The following RAD51B variants were observed in gnomAD, a reference collection of about 807,000 sequenced individuals.
The protein encoded by RAD51B is RAD51 paralog B, also known as DNA repair protein RAD51 homolog 2.
RAD51B carries 38 observed loss-of-function variants against 42.2 expected under a neutral mutation model. The observed-to-expected ratio is 0.90, with a 90% confidence interval of 0.70 to 1.18. RAD51B has a LOEUF of 1.18. Among genes scored for constraint, RAD51B ranks in the 50% most tolerant of loss-of-function variants. The probability of loss-of-function intolerance (pLI) is 0.00; values close to 1 mark genes in which losing one functional copy is unlikely to be tolerated. For synonymous variants in RAD51B, 154 were observed against 145.2 expected (o/e 1.06, Z -0.43); for missense variants, 373 against 400.7 (o/e 0.93, Z 0.59).
intron 7 of RAD51B, among the ~76,000 whole-genome samples, chr14:67,985,517 T>G (rs538619878): frequency 6.6e-6 from 1 of 152,234 alleles, no homozygotes; most frequent in Non-Finnish European, 1.5e-5. Flanking sequence ...ATCTAAGGAT[T>G]GAGGGAATAG....
intron 8 of RAD51B, among the ~76,000 whole-genome samples, chr14:68,370,169 C>A (rs544864753): frequency 1.3e-5 from 2 of 152,168 alleles, no homozygotes; most frequent in South Asian, 2.1e-4. Flanking sequence ...AATTTTGCAA[C>A]CTCTGGCATA....
rs200409260 is a variant in RAD51B, at chr14:67,922,563, A to T, written c.756+35359A>T. 7.2e-3 allele frequency among the ~76,000 whole-genome samples: 1,059 copies of T among 147,170 alleles called. 16 individuals carry two copies. Among genetic ancestry groups the T allele is most frequent in the East Asian group, 0.037 (190 of 5,082 alleles). On this transcript the variant is annotated intron_variant, in intron 7 of 10. Coordinates refer to ENST00000471583, the MANE Select transcript of RAD51B (RefSeq NM_133510.4). ...ATGTACTTAATTTTTTTTTTTTTTT[A>T]AATTTCAATAGGTTTTTCAGGAAGA...
At chr14:68,484,363 T>TC (rs1212021773) in intron 10 of RAD51B, among the ~76,000 whole-genome samples, 1 of 148,774 alleles carries the variant, frequency 6.7e-6, no homozygotes, top group Non-Finnish European at 1.5e-5. Context: ...CTTTTTCTTT[T>TC]TTTTTTTTTT....
At chr14:68,349,192 A>T (rs571340088) in intron 8 of RAD51B, among the ~76,000 whole-genome samples, 1 of 152,252 alleles carries the variant, frequency 6.6e-6, no homozygotes, top group Admixed American at 6.5e-5. Context: ...CATGGGCCAT[A>T]TAAAAACAAG....
intron 8 of RAD51B, among the ~76,000 whole-genome samples, chr14:68,312,078 G>T (rs1211974134): frequency 6.6e-6 from 1 of 152,100 alleles, no homozygotes; most frequent in Admixed American, 6.5e-5. Context: ...GCCCAAGTCC[G>T]TATAGGACAG....
At chr14:68,452,579 A>G (rs1791974927) in intron 9 of RAD51B, among the ~76,000 whole-genome samples, 1 of 152,298 alleles carries the variant, frequency 6.6e-6, no homozygotes, top group South Asian at 2.1e-4. Flanking sequence ...CCTTGCACAC[A>G]TAGGCACTCT....
At chr14:68,580,528 C>T (rs574387430) in intron 10 of RAD51B, among the ~76,000 whole-genome samples, 1 of 152,264 alleles carries the variant, frequency 6.6e-6, no homozygotes, top group African/African-American at 2.4e-5. Context: ...CAGTGACCCG[C>T]GTGGAAGAGA....
chr14:67,827,257 A>C (rs776508150), intron 3 of RAD51B, among the ~76,000 whole-genome samples: 2 of 152,174 alleles, frequency 1.3e-5, no homozygotes, highest in African/African-American at 4.8e-5. Context: ...TGTCATTCTA[A>C]TTAGTCAATA....
At chr14:68,130,860 A>G (rs2077874738) in intron 7 of RAD51B, among the ~76,000 whole-genome samples, 1 of 152,092 alleles carries the variant, frequency 6.6e-6, no homozygotes, top group African/African-American at 2.4e-5. Flanking sequence ...TGCCTGATCT[A>G]TATGGCTGAC....
chr14:68,642,216 A>G (rs1351671484), intron 10 of RAD51B, among the ~76,000 whole-genome samples: 1 of 152,210 alleles, frequency 6.6e-6, no homozygotes, highest in Non-Finnish European at 1.5e-5. Context: ...AAACTCACCA[A>G]TGAGCCCATC....
At position 67,882,894 on chromosome 14, in the gene RAD51B, G is replaced by A. The variant is rs139788179; in HGVS notation, c.453-2975G>A. Among the ~76,000 whole-genome samples, 1,378 of 152,122 alleles carry A rather than the reference G, an allele frequency of 9.1e-3. 22 individuals carry two copies. Among genetic ancestry groups the A allele is most frequent in the African/African-American group, 0.031 (1,285 of 41,516 alleles). On this transcript the variant is annotated intron_variant, in intron 5 of 10. Transcript: ENST00000471583. ...CGAGTAGCTGGGATTACAGGCGCCC[G>A]TCACCACACCTGGCTAATTTTTGTA...
At chr14:68,623,321 G>A (rs1041393112) in intron 10 of RAD51B, among the ~76,000 whole-genome samples, 4 of 152,292 alleles carry the variant, frequency 2.6e-5, no homozygotes, top group South Asian at 4.1e-4. Flanking sequence ...CCCACAGTAC[G>A]GTGTCACTCT....
chr14:68,289,670 C>T (rs577050182), intron 7 of RAD51B, among the ~76,000 whole-genome samples: 32 of 151,148 alleles, frequency 2.1e-4, no homozygotes, highest in Non-Finnish European at 4.1e-4. Flanking sequence ...GCTGAGATCA[C>T]GCTATTGCAC....
At chr14:68,124,588 A>G (rs778457546) in intron 7 of RAD51B, among the ~76,000 whole-genome samples, 24 of 152,204 alleles carry the variant, frequency 1.6e-4, no homozygotes, top group Non-Finnish European at 2.8e-4. Flanking sequence ...TAGGCCTCAC[A>G]AGCTATTAAG....
chr14:68,341,711 G>A (rs2082576122), intron 8 of RAD51B, among the ~76,000 whole-genome samples: 1 of 152,106 alleles, frequency 6.6e-6, no homozygotes, highest in South Asian at 2.1e-4. Flanking sequence ...AAGGCATAAG[G>A]TCTTTTTTCT....
At chr14:68,349,502 G>T (rs1257253305) in intron 8 of RAD51B, among the ~76,000 whole-genome samples, 1 of 152,168 alleles carries the variant, frequency 6.6e-6, no homozygotes. Flanking sequence ...TAGAAGCTGG[G>T]ATTGCAGGTT....
intron 9 of RAD51B, among the ~76,000 whole-genome samples, chr14:68,451,758 C>T (rs2085562292): frequency 6.6e-6 from 1 of 152,326 alleles, no homozygotes; most frequent in Admixed American, 6.5e-5. Flanking sequence ...CAGAGCAGGG[C>T]CAGGGATGTG....
At chr14:68,573,876 C>T (rs553482157) in intron 10 of RAD51B, among the ~76,000 whole-genome samples, 18 of 152,254 alleles carry the variant, frequency 1.2e-4, no homozygotes, top group East Asian at 3.9e-4. Flanking sequence ...CTACAGAGCC[C>T]GGCAAACAAG....
chr14:68,027,581 G>T (rs1239930305), intron 7 of RAD51B, among the ~76,000 whole-genome samples: 2 of 151,910 alleles, frequency 1.3e-5, no homozygotes, highest in Non-Finnish European at 1.5e-5. Context: ...TCAAAGAACT[G>T]GTCTTCGAGT....
Sources: allele counts gnomAD v4.1 joint callset (sites outside exome capture counted in the v4.1 genomes callset), GRCh38; gene constraint gnomAD v4.1.1; transcripts MANE v1.5; gene names NCBI Gene and HGNC (gene_info 2026-07-23, HGNC 2026-07-21).